GARIN1A: variants seen among roughly 807,000 people sequenced by gnomAD.
GARIN1A encodes golgi associated RAB2 interactor 1A.
chr7:128,699,260 G>GTCCCC, the GARIN1A span, among the ~76,000 whole-genome samples: 1 of 105,016 alleles, frequency 9.5e-6, no homozygotes, highest in Non-Finnish European at 2.0e-5. Context: ...CATACCTGCT[G>GTCCCC]CCCCCCCCCC....
the GARIN1A span, among the ~76,000 whole-genome samples, chr7:128,689,439 G>A: frequency 6.6e-6 from 1 of 151,878 alleles, no homozygotes; most frequent in Non-Finnish European, 1.5e-5. Context: ...CCTCTGCCCG[G>A]CCGTGACCCC....
chr7:128,702,502 TA>T, the GARIN1A span, among the ~76,000 whole-genome samples: 1 of 152,168 alleles, frequency 6.6e-6, no homozygotes, highest in Non-Finnish European at 1.5e-5. Flanking sequence ...GGGCAACCAC[TA>T]AAATTTCTTG....
At chr7:128,688,370 C>A in the GARIN1A span, among the ~76,000 whole-genome samples, 1 of 152,148 alleles carries the variant, frequency 6.6e-6, no homozygotes, top group African/African-American at 2.4e-5. Flanking sequence ...TAAATATAAA[C>A]GCCACAAGCA....
At chr7:128,698,638 C>T in the GARIN1A span, among the ~76,000 whole-genome samples, 4 of 152,096 alleles carry the variant, frequency 2.6e-5, no homozygotes, top group South Asian at 4.1e-4. Flanking sequence ...CTCACTCTGC[C>T]GCCTAGACTG....
At chr7:128,672,309 T>A in the GARIN1A span, 1 of 1,120,780 alleles carries the variant, frequency 8.9e-7, no homozygotes, top group Non-Finnish European at 1.3e-6. Context: ...GCTGGGGAGG[T>A]GGGGGCAGAT....
the GARIN1A span, chr7:128,686,216 A>G: frequency 6.6e-6 from 1 of 152,110 alleles, no homozygotes; most frequent in African/African-American, 2.4e-5. Context: ...CCGTCTCAAA[A>G]TAAAATAAAG....
At chr7:128,700,843 C>T in the GARIN1A span, among the ~76,000 whole-genome samples, 1 of 151,930 alleles carries the variant, frequency 6.6e-6, no homozygotes, top group African/African-American at 2.4e-5. Flanking sequence ...TGAGCACACA[C>T]ACACACGATG....
At chr7:128,691,081 T>G in the GARIN1A span, 1 of 152,148 alleles carries the variant, frequency 6.6e-6, no homozygotes, top group Non-Finnish European at 1.5e-5. Context: ...AATTCAAGTA[T>G]GTACTATATC....
the GARIN1A span, among the ~76,000 whole-genome samples, chr7:128,678,756 T>C: frequency 1.3e-5 from 2 of 150,320 alleles, no homozygotes; most frequent in African/African-American, 2.5e-5. Context: ...GCTGAAATTA[T>C]GCCACTTTAC....
chr7:128,687,088 A>G, the GARIN1A span: 1 of 152,196 alleles, frequency 6.6e-6, no homozygotes, highest in Non-Finnish European at 1.5e-5. Flanking sequence ...CTTTTGTTCT[A>G]CCTGAGATAC....
chr7:128,702,628 G>A, the GARIN1A span, among the ~76,000 whole-genome samples: 8 of 152,236 alleles, frequency 5.3e-5, no homozygotes, highest in East Asian at 1.2e-3. Flanking sequence ...ATAAATGAAG[G>A]AAAGATGCAG....
chr7:128,684,397 C>G, the GARIN1A span: 1 of 152,196 alleles, frequency 6.6e-6, no homozygotes, highest in Non-Finnish European at 1.5e-5. Flanking sequence ...GTGCAGATCA[C>G]TTGAGGTCAG....
chr7:128,678,637 C>G, the GARIN1A span, among the ~76,000 whole-genome samples: 174 of 152,058 alleles, frequency 1.1e-3, no homozygotes, highest in African/African-American at 4.1e-3. Flanking sequence ...AACCCTGTCT[C>G]TACTAAAAAT....
the GARIN1A span, among the ~76,000 whole-genome samples, chr7:128,671,899 C>G: frequency 6.6e-6 from 1 of 151,842 alleles, no homozygotes; most frequent in African/African-American, 2.4e-5. Flanking sequence ...GATGAACTCC[C>G]TTTTTCCTAT....
At chr7:128,689,563 C>CCCCGTCTGAGAAGTGAGGAG in the GARIN1A span, among the ~76,000 whole-genome samples, 2 of 149,088 alleles carry the variant, frequency 1.3e-5, no homozygotes. Flanking sequence ...CCGGCAGCCG[C>CCCCGTCTGAGAAGTGAGGAG]CCCGTCTGAG....
the GARIN1A span, among the ~76,000 whole-genome samples, chr7:128,689,070 C>T: frequency 3.9e-5 from 6 of 152,014 alleles, no homozygotes; most frequent in African/African-American, 7.2e-5. Flanking sequence ...CCCGAGGTGC[C>T]GGGATTGCAG....
chr7:128,706,316 A>G, the GARIN1A span, among the ~76,000 whole-genome samples: 1 of 152,274 alleles, frequency 6.6e-6, no homozygotes, highest in Non-Finnish European at 1.5e-5. Flanking sequence ...TTAGAGTGGA[A>G]GATGGTATTT....
At chr7:128,703,489 C>T in the GARIN1A span, among the ~76,000 whole-genome samples, 17 of 152,260 alleles carry the variant, frequency 1.1e-4, no homozygotes, top group East Asian at 1.2e-3. Flanking sequence ...AACAAAAATA[C>T]GGCATATCAA....
the GARIN1A span, among the ~76,000 whole-genome samples, chr7:128,671,950 T>A: frequency 6.6e-6 from 1 of 152,082 alleles, no homozygotes; most frequent in Non-Finnish European, 1.5e-5. Flanking sequence ...CCCATGGAAG[T>A]TTGGTGAGGG....
Sources: gnomAD v4.1 joint callset for allele counts (sites outside exome capture counted in the v4.1 genomes callset) on GRCh38, gnomAD v4.1.1 for gene constraint, MANE v1.5 for transcripts, NCBI Gene and HGNC (gene_info 2026-07-23, HGNC 2026-07-21) for gene names.